Variants in SPEG observed in about 807,000 individuals in gnomAD.
SPEG encodes striated muscle preferentially expressed protein kinase.
A neutral mutation model predicts 300.4 loss-of-function variants in SPEG; 114 were observed. That is an observed-to-expected ratio of 0.38 (90% CI 0.33 to 0.44). The LOEUF (loss-of-function observed/expected upper bound fraction) is 0.44, where lower values mean the gene tolerates loss of function less well. Among genes scored for constraint, SPEG ranks in the 20% least tolerant of loss-of-function variants. The pLI is 1.00. For missense variants in SPEG, 4,201 were observed against 4,586.2 expected (o/e 0.92, Z 2.43); for synonymous variants, 1,964 against 2,018.9 (o/e 0.97, Z 0.73).
Position 219,451,075 on chromosome 2 carries a change from C to A in SPEG, c.2114-61C>A. 1 of 1,474,140 alleles carries A rather than the reference C, an allele frequency of 6.8e-7. No individual in the cohort carries two copies. Among genetic ancestry groups the A allele is most frequent in the East Asian group, 2.5e-5 (1 of 39,230 alleles). 91.3% of individuals were successfully genotyped at this position (1,474,140 alleles called of 1,614,324 possible). ...AGGATGCAGGCCACCAGGACTCTCT[C>A]TCCCGCTGTCATCCCTGCAGGGATC... On this transcript the variant is annotated intron_variant, in intron 4 of 40. Coordinates refer to ENST00000312358, the MANE Select transcript of SPEG (RefSeq NM_005876.5). This position sits in a 1 kb window ranked among gnomAD's most constrained non-coding sequence, Gnocchi z 6.4.
In SPEG at chr2:219,447,981, C is replaced by T. The variant is rs546717275; in HGVS notation, c.823C>T (p.Pro275Ser). The T allele has an allele frequency of 6.2e-7, 1 of 1,612,508 alleles. No homozygotes were observed. The highest frequency in any genetic ancestry group is 1.3e-5 in the African/African-American group (1 of 75,038). The change falls in exon 4 of 41, where the codon CCT becomes TCT. Residue 275 changes from proline to serine, a missense_variant. This residue lies in a region of SPEG where 1,258 missense variants were observed against 1,293.9 expected (regional missense o/e 0.97). Coordinates refer to ENST00000312358, the MANE Select transcript of SPEG (RefSeq NM_005876.5). ...GRALSIHVSVPQSGLRREEPD... is the reference protein window; with the variant it reads ...GRALSIHVSVSQSGLRREEPD... ...TCCATCTTGGTTCTGCAGCAGCGTC[C>T]CTCAGAGCGGGTTGCGCAGGGAGGA...
In SPEG at chr2:219,448,092, C is replaced by T. The variant is rs1415924056; in HGVS notation, c.934C>T (p.Pro312Ser). 3.7e-6 allele frequency: 6 copies of T among 1,605,878 alleles called. No individual in the cohort carries two copies. In the South Asian group the frequency reaches 6.6e-5, roughly 18 times the overall value. The change falls in exon 4 of 41, where the codon CCG (proline) becomes TCG (serine). Residue 312 changes from proline (P) to serine (S), a missense_variant. Pro to Ser is a moderately conservative substitution (Grantham distance 74). Coordinates refer to ENST00000312358, the MANE Select transcript of SPEG (RefSeq NM_005876.5). Reference sequence around the variant, plus strand: ...TTCCAAATCCGCGCTGCTCCCCCCACCGTCCCCTCGGGTCGGGAAGCGGTC... The same window carrying T: ...TTCCAAATCCGCGCTGCTCCCCCCATCGTCCCCTCGGGTCGGGAAGCGGTC... Reference protein sequence around the residue: ...PPSKSALLPPPSPRVGKRSPP... With the variant: ...PPSKSALLPPSSPRVGKRSPP...
rs114609589 is a variant in SPEG, at chr2:219,443,569, C to T, written c.389-1084C>T. The T allele has an allele frequency of 4.8e-3, 1,353 of 283,054 alleles. 19 individuals are homozygous for T. Among genetic ancestry groups the T allele is most frequent in the African/African-American group, 0.027 (1,239 of 45,644 alleles). 17.5% of individuals were successfully genotyped at this position (283,054 alleles called of 1,614,324 possible). On this transcript the variant is annotated intron_variant, in intron 1 of 40. Transcript: ENST00000312358. The surrounding 1 kb of genome is among the most constrained non-coding windows in gnomAD (Gnocchi z 4.6). ...CCTAACCACTGGGCATTTTTGAGGA[C>T]GATTCAACAGTAGAAGGGAGGGACC...
intron 9 of SPEG, chr2:219,465,992 C>T (rs1483878623): frequency 1.0e-4 from 133 of 1,335,074 alleles, no homozygotes; most frequent in Admixed American, 3.0e-4. Context: ...TGTGTGTGTG[C>T]GCGTGCGTGC....
rs118104396 is a variant in SPEG, at chr2:219,439,562, G to A, written c.388+4197G>A. On this transcript the variant is annotated intron_variant, in intron 1 of 40. Coordinates refer to ENST00000312358, the MANE Select transcript of SPEG (RefSeq NM_005876.5). This position sits in a 1 kb window ranked among gnomAD's most constrained non-coding sequence, Gnocchi z 4.5. Reference sequence around the variant, plus strand: ...GGATTTTCTCTGGTTGGAGGGAAATGCTGGCAGTGCAGAAATTGGAAGTCT... The same window carrying A: ...GGATTTTCTCTGGTTGGAGGGAAATACTGGCAGTGCAGAAATTGGAAGTCT... Among the ~76,000 whole-genome samples the A allele has an allele frequency of 2.2e-3, 341 of 152,264 alleles. 5 individuals carry two copies. Among genetic ancestry groups the A allele is most frequent in the East Asian group, 0.021 (108 of 5,170 alleles).
chr2:219,466,895 A>C (rs937473215), intron 9 of SPEG: 2 of 1,196,724 alleles, frequency 1.7e-6, no homozygotes, highest in Non-Finnish European at 2.1e-6. Flanking sequence ...TCCCCCGCCG[A>C]TGTCTCTGCC....
chr2:219,439,401 T>G lies in SPEG; in HGVS notation c.388+4036T>G, dbSNP rs1406538270. Among the ~76,000 whole-genome samples the G allele has an allele frequency of 1.3e-5, 2 of 151,886 alleles. No homozygotes were observed. The highest frequency in any genetic ancestry group is 4.8e-5 in the African/African-American group (2 of 41,308). On this transcript the variant is annotated intron_variant, in intron 1 of 40. Coordinates refer to ENST00000312358, the MANE Select transcript of SPEG (RefSeq NM_005876.5). This position sits in a 1 kb window ranked among gnomAD's most constrained non-coding sequence, Gnocchi z 4.5. ...GACAGACAATACACAATAAACATAG[T>G]AAATAGGTAAATTACACAGTATGTC...
Position 219,479,047 on chromosome 2 carries a change from G to C in SPEG, c.5028-97G>C. 9.5e-7 allele frequency: 1 copy of C among 1,057,966 alleles called. No homozygotes were observed. The highest frequency in any genetic ancestry group is 2.4e-5 in the East Asian group (1 of 41,080). 65.5% of individuals were successfully genotyped at this position (1,057,966 alleles called of 1,614,324 possible). A position where few individuals can be genotyped will look rare whatever the true frequency, so the allele number is the denominator to read the frequency against. On this transcript the variant is annotated intron_variant, in intron 22 of 40. Coordinates refer to ENST00000312358, the MANE Select transcript of SPEG (RefSeq NM_005876.5). The surrounding 1 kb of genome is among the most constrained non-coding windows in gnomAD (Gnocchi z 5.5). ...GGCTAGTATCAAGCATTCTGTAAGG[G>C]GAAGGAGAACCCCGTGCTGAGCTGG... is the stretch of plus-strand genomic sequence containing the variant.
intron 1 of SPEG, among the ~76,000 whole-genome samples, chr2:219,440,875 C>T (rs1954845136): frequency 6.6e-6 from 1 of 152,222 alleles, no homozygotes; most frequent in Admixed American, 6.5e-5. Flanking sequence ...TTAATAGTTA[C>T]TTAGTAGTCA....
At position 219,451,482 on chromosome 2, in the gene SPEG, C is replaced by A. The variant is rs1248215086; in HGVS notation, c.2258-143C>A. Reference sequence around the variant, plus strand: ...AGAAGGGAGGGCAACCTGAGCTTCCCAAAATGAGGGCGGACTCTTCCAGAT... The same window carrying A: ...AGAAGGGAGGGCAACCTGAGCTTCCAAAAATGAGGGCGGACTCTTCCAGAT... On this transcript the variant is annotated intron_variant, in intron 5 of 40. Transcript: ENST00000312358. This position sits in a 1 kb window ranked among gnomAD's most constrained non-coding sequence, Gnocchi z 6.4. 7.1e-6 allele frequency: 8 copies of A among 1,133,654 alleles called. No homozygotes were observed. The highest frequency in any genetic ancestry group is 9.6e-6 in the Non-Finnish European group (8 of 836,142). 70.2% of individuals were successfully genotyped at this position (1,133,654 alleles called of 1,614,324 possible).
At position 219,469,010 on chromosome 2, in the gene SPEG, G is replaced by A. The variant is rs1248042304; in HGVS notation, c.3453G>A (p.Leu1151=). 2.5e-6 allele frequency: 4 copies of A among 1,613,696 alleles called. No homozygotes were observed. Among genetic ancestry groups the A allele is most frequent in the Non-Finnish European group, 2.5e-6 (3 of 1,179,924 alleles). ...THGQAHCSAQ[L]YVEEPRTAAS... ...GCCAGGCCCACTGCTCAGCCCAGCT[G>A]TATGTAGAAGAGCCCCGGACAGCCG... Residue 1151 remains leucine, a synonymous_variant, in exon 12 of 41, where the codon CTG becomes CTA. Coordinates refer to ENST00000312358, the MANE Select transcript of SPEG (RefSeq NM_005876.5).
At position 219,468,813 on chromosome 2, in the gene SPEG, G is replaced by A. The variant is rs550498181; in HGVS notation, c.3302-46G>A. The A allele has an allele frequency of 3.4e-5, 55 of 1,607,012 alleles. No individual in the cohort carries two copies. In the South Asian group the frequency reaches 5.9e-4, roughly 17 times the overall value. On this transcript the variant is annotated intron_variant, in intron 11 of 40. Coordinates refer to ENST00000312358, the MANE Select transcript of SPEG (RefSeq NM_005876.5). Reference sequence around the variant, plus strand: ...CGATGGGGTGCACCCAGAGGGCAGGGCCCCTCACTGTGCCTGCTCTGCATT... The same window carrying A: ...CGATGGGGTGCACCCAGAGGGCAGGACCCCTCACTGTGCCTGCTCTGCATT...
intron 3 of SPEG, 129 bp from the exon 4 acceptor site, chr2:219,447,845 C>A (rs1358190207): frequency 6.2e-6 from 5 of 808,502 alleles, no homozygotes; most frequent in Non-Finnish European, 9.7e-6. Flanking sequence ...GGGTGGGGGG[C>A]AGGAGGATCT....
In SPEG at chr2:219,448,756, C is replaced by A. The variant is rs752904382; in HGVS notation, c.1598C>A (p.Pro533His). 6 of 1,464,862 alleles carry A rather than the reference C, an allele frequency of 4.1e-6. No homozygotes were observed. The African/African-American group carries it at 7.4e-5, about 18-fold the overall frequency. 90.7% of individuals were successfully genotyped at this position (1,464,862 alleles called of 1,614,324 possible). Residue 533 changes from proline to histidine, a missense_variant, in exon 4 of 41, where the codon CCC becomes CAC. Around this residue, in one of 4 missense-constraint regions of SPEG, gnomAD observed 1,258 missense variants for 1,293.9 expected, o/e 0.97. Coordinates refer to ENST00000312358, the MANE Select transcript of SPEG (RefSeq NM_005876.5). Reference protein sequence around the residue: ...RAPSPREPGEPPLFSRPSTPK... With the variant: ...RAPSPREPGEHPLFSRPSTPK... ...CCATCCCCTCGAGAGCCCGGCGAGC[C>A]CCCGCTCTTCTCTCGGCCCTCCACC...
At chr2:219,482,711 T>C (rs1458114606) in intron 28 of SPEG, 73 bp from the exon 29 acceptor site, 2 of 1,392,690 alleles carry the variant, frequency 1.4e-6, no homozygotes, top group East Asian at 4.6e-5. Flanking sequence ...CCATGGACTT[T>C]GTCTCTCTGT....
Position 219,448,940 on chromosome 2 carries a change from C to A in SPEG, c.1782C>A (p.Asp594Glu). The change falls in exon 4 of 41, where the codon GAC (aspartate) becomes GAA (glutamate). Residue 594 changes from aspartate (D) to glutamate (E), a missense_variant. Physicochemically the swap from Asp to Glu is conservative, Grantham distance 45. This residue lies in a region of SPEG where 1,258 missense variants were observed against 1,293.9 expected (regional missense o/e 0.97). Coordinates refer to ENST00000312358, the MANE Select transcript of SPEG (RefSeq NM_005876.5). ...EGPQQEVRRR[D>E]QFPLTRSRAI... ...CGCAGCAGGAGGTTAGGCGTCGGGACCAATTCCCGCTGACCCGGAGCAGAG... is the reference window on the plus strand; with the variant it reads ...CGCAGCAGGAGGTTAGGCGTCGGGAACAATTCCCGCTGACCCGGAGCAGAG... 1 of 1,498,730 alleles carries A rather than the reference C, an allele frequency of 6.7e-7. No individual in the cohort carries two copies. Among genetic ancestry groups the A allele is most frequent in the Admixed American group, 2.2e-5 (1 of 45,576 alleles). The allele number at this position is 1,498,730 out of a possible 1,614,324, so 92.8% of individuals were successfully genotyped here.
At chr2:219,438,538 A>T (rs1954778179) in intron 1 of SPEG, among the ~76,000 whole-genome samples, 1 of 152,188 alleles carries the variant, frequency 6.6e-6, no homozygotes, top group African/African-American at 2.4e-5. Context: ...TCTTTTTCAA[A>T]ATATCAGGCT....
Position 219,481,600 on chromosome 2 carries a change from G to A in SPEG, c.5523-38G>A, listed in dbSNP as rs1245960959. 2 of 1,612,670 alleles carry A rather than the reference G, an allele frequency of 1.2e-6. No homozygotes were observed. Among genetic ancestry groups the A allele is most frequent in the Admixed American group, 3.3e-5 (2 of 60,006 alleles). On this transcript the variant is annotated intron_variant, in intron 27 of 40. Coordinates refer to ENST00000312358, the MANE Select transcript of SPEG (RefSeq NM_005876.5). This position sits in a 1 kb window ranked among gnomAD's most constrained non-coding sequence, Gnocchi z 5.4. ...CTCAGTTATTGACTCACTGATGACT[G>A]AACGATAAATCCCTTCTTAATCCTC... is the stretch of plus-strand genomic sequence containing the variant.
intron 13 of SPEG, among the ~76,000 whole-genome samples, chr2:219,471,202 T>C (rs1258242845): frequency 6.6e-6 from 1 of 152,104 alleles, no homozygotes; most frequent in Non-Finnish European, 1.5e-5. Context: ...CCACTTAAAC[T>C]ATGTCTTGAA....
Sources: gnomAD v4.1 joint callset for allele counts (sites outside exome capture counted in the v4.1 genomes callset) on GRCh38, gnomAD v4.1.1 for gene constraint, gnomAD v4.1.1 regional missense constraint, Gnocchi (gnomAD v3.1) non-coding constraint, MANE v1.5 for transcripts, NCBI Gene and HGNC (gene_info 2026-07-23, HGNC 2026-07-21) for gene names.